DSE: variants seen among roughly 807,000 people sequenced by gnomAD.
DSE encodes dermatan-sulfate epimerase.
Under a neutral mutation model 84.4 loss-of-function variants are expected in DSE, and 36 were observed. The ratio of observed to expected loss-of-function variants is 0.43; its 90% CI spans 0.33 to 0.56. The LOEUF (loss-of-function observed/expected upper bound fraction) is 0.56, where lower values mean the gene tolerates loss of function less well. Among genes scored for constraint, DSE ranks in the 20% least tolerant of loss-of-function variants. The probability of loss-of-function intolerance (pLI) is 0.06; values close to 1 mark genes in which losing one functional copy is unlikely to be tolerated. For missense variants in DSE, 862 were observed against 1,169.6 expected (o/e 0.74, Z 3.84); for synonymous variants, 410 against 430.1 (o/e 0.95, Z 0.58).
In DSE at chr6:116,439,472, A is replaced by T. The variant is rs1784357334; in HGVS notation, c.*2127A>T. 1 of 151,116 alleles carries T rather than the reference A, an allele frequency of 6.6e-6. No homozygotes were observed. The highest frequency in any genetic ancestry group is 2.1e-4 in the South Asian group (1 of 4,812). 9.4% of individuals were successfully genotyped at this position (151,116 alleles called of 1,614,324 possible). On this transcript the variant is annotated 3_prime_UTR_variant, in exon 6 of 6. Coordinates refer to ENST00000644252, the MANE Select transcript of DSE (RefSeq NM_013352.4). ...TAATGAACCTGGTATTTATTTCCTT[A>T]AAAAGAAACTTCCTCAGGCAGTGAC...
intron 2 of DSE, chr6:116,278,818 T>A: frequency 6.2e-7 from 1 of 1,614,148 alleles, no homozygotes; most frequent in Non-Finnish European, 8.5e-7. Context: ...CTCATATTCC[T>A]TGACAATCAG....
At chr6:116,366,734 A>T (rs1191340177), upstream of DSE, 2 of 152,230 alleles carry the variant, frequency 1.3e-5, no homozygotes, top group Admixed American at 6.5e-5. Context: ...GAAGGATCCT[A>T]GATTTTATGT....
At chr6:116,398,665 C>G (rs1781400823) in intron 1 of DSE, among the ~76,000 whole-genome samples, 1 of 152,128 alleles carries the variant, frequency 6.6e-6, no homozygotes, top group Non-Finnish European at 1.5e-5. Flanking sequence ...GATATTTAAC[C>G]TTATTCATAA....
At chr6:116,310,666 C>G (rs1433694522) in intron 2 of DSE, among the ~76,000 whole-genome samples, 1 of 152,142 alleles carries the variant, frequency 6.6e-6, no homozygotes. Flanking sequence ...TATCCCAAAT[C>G]TACACACTTT....
intron 2 of DSE, among the ~76,000 whole-genome samples, chr6:116,421,463 ATTTTTT>A (rs71012335): frequency 8.2e-5 from 5 of 61,344 alleles, no homozygotes; most frequent in African/African-American, 3.7e-4. Context: ...ATATATATAT[ATTTTTT>A]TTTTTTTTTT....
chr6:116,292,867 A>G (rs1774378691), intron 2 of DSE, among the ~76,000 whole-genome samples: 1 of 152,222 alleles, frequency 6.6e-6, no homozygotes. Context: ...TGCTAATTAT[A>G]TTTTAATAAA....
intron 2 of DSE, among the ~76,000 whole-genome samples, chr6:116,276,068 A>C (rs1369456107): frequency 6.6e-6 from 1 of 152,192 alleles, no homozygotes; most frequent in African/African-American, 2.4e-5. Context: ...TAATTATGTT[A>C]ATTTTCTAGA....
At position 116,409,176 on chromosome 6, in the gene DSE, T is replaced by C. The variant is rs549585072; in HGVS notation, c.416+9510T>C. On this transcript the variant is annotated intron_variant, in intron 2 of 5. Coordinates refer to ENST00000644252, the MANE Select transcript of DSE (RefSeq NM_013352.4). The stretch of plus-strand genomic sequence containing the variant: ...ATTATTGTTATCTTTATTACTTCAC[T>C]TATATTTTGTGTTCTTATAAATTGA... Among the ~76,000 whole-genome samples, 135 of 152,392 alleles carry C rather than the reference T, an allele frequency of 8.9e-4. 1 individual carries two copies. Among genetic ancestry groups the C allele is most frequent in the African/African-American group, 3.1e-3 (129 of 41,602 alleles).
rs200891095 is a variant in DSE, at chr6:116,305,261, G to C, written c.-54+46294G>C. ...ATCTTAGCTGGTTTGATCTCCCAAGGCTCCTCCCTGCCCCTTATTTAATAC... is the reference window on the plus strand; with the variant it reads ...ATCTTAGCTGGTTTGATCTCCCAAGCCTCCTCCCTGCCCCTTATTTAATAC... On this transcript the variant is annotated intron_variant, in intron 2 of 3. Transcript: ENST00000430252. Among the ~76,000 whole-genome samples the C allele has an allele frequency of 3.3e-5, 5 of 151,792 alleles. No individual in the cohort carries two copies. In the East Asian group the frequency reaches 5.8e-4, roughly 18 times the overall value.
rs569524708 is a variant in DSE, at chr6:116,362,356, T to C, written c.-53-36842T>C. Among the ~76,000 whole-genome samples, 3 of 152,266 alleles carry C rather than the reference T, an allele frequency of 2.0e-5. No individual in the cohort carries two copies. In the South Asian group the frequency reaches 6.2e-4, roughly 32 times the overall value. On this transcript the variant is annotated intron_variant, in intron 2 of 3. Coordinates refer to the DSE transcript ENST00000430252. Reference sequence around the variant, plus strand: ...GTCTGAAAATTTTCAAGATCTCAAGTGCTATGGACTGAATTTTGTTCCCCA... The same window carrying C: ...GTCTGAAAATTTTCAAGATCTCAAGCGCTATGGACTGAATTTTGTTCCCCA...
intron 2 of DSE, among the ~76,000 whole-genome samples, chr6:116,315,558 C>T (rs1775922526): frequency 6.6e-6 from 1 of 152,098 alleles, no homozygotes; most frequent in Non-Finnish European, 1.5e-5. Flanking sequence ...AGTAGTGGGG[C>T]AGAGTTGGGA....
At chr6:116,330,685 C>A (rs1312127485) in intron 2 of DSE, among the ~76,000 whole-genome samples, 1 of 152,146 alleles carries the variant, frequency 6.6e-6, no homozygotes. Context: ...TGACTATCTC[C>A]TTATGACTCA....
intron 2 of DSE, among the ~76,000 whole-genome samples, chr6:116,344,215 A>G (rs1268045541): frequency 1.3e-5 from 2 of 152,220 alleles, no homozygotes; most frequent in African/African-American, 4.8e-5. Flanking sequence ...ACTCTTCAGG[A>G]TATTATCCAG....
chr6:116,384,999 TGA>T (rs1257934324), intron 1 of DSE, among the ~76,000 whole-genome samples: 1 of 152,212 alleles, frequency 6.6e-6, no homozygotes, highest in Non-Finnish European at 1.5e-5. Context: ...CAGACCTCAC[TGA>T]GAGAGTGACA....
At chr6:116,330,594 T>A (rs1776878400) in intron 2 of DSE, among the ~76,000 whole-genome samples, 1 of 152,208 alleles carries the variant, frequency 6.6e-6, no homozygotes, top group South Asian at 2.1e-4. Context: ...ATGTTTTGAT[T>A]ATTTTATTAT....
intron 2 of DSE, among the ~76,000 whole-genome samples, chr6:116,275,702 A>C (rs1377271875): frequency 6.6e-6 from 1 of 151,482 alleles, no homozygotes; most frequent in African/African-American, 2.4e-5. Context: ...CGGGAGGCTG[A>C]TGCTGGAGAA....
At chr6:116,303,669 TG>T (rs111960025) in intron 2 of DSE, among the ~76,000 whole-genome samples, 7,445 of 151,962 alleles carry the variant, frequency 0.049, 583 homozygotes, top group African/African-American at 0.16. Flanking sequence ...GAGGGCTGGT[TG>T]GGGAAGGATG....
chr6:116,425,594 T>TTTTTA (rs1783378321), intron 2 of DSE, among the ~76,000 whole-genome samples: 1 of 140,580 alleles, frequency 7.1e-6, no homozygotes, highest in South Asian at 2.2e-4. Context: ...GTAATTCTTT[T>TTTTTA]TTTTATTTTA....
chr6:116,430,548 T>G (rs1441128554), intron 3 of DSE, among the ~76,000 whole-genome samples: 2 of 149,730 alleles, frequency 1.3e-5, no homozygotes. Flanking sequence ...GTCAATAACT[T>G]TTTTTTTTTT....
Sources: gnomAD v4.1 joint callset for allele counts (sites outside exome capture counted in the v4.1 genomes callset) on GRCh38, gnomAD v4.1.1 for gene constraint, MANE v1.5 for transcripts, NCBI Gene and HGNC (gene_info 2026-07-23, HGNC 2026-07-21) for gene names.